The following ARHGAP8 variants were observed in gnomAD, a reference collection of about 807,000 sequenced individuals.
The protein encoded by ARHGAP8 is rho GTPase-activating protein 8.
Under a neutral mutation model 46.1 loss-of-function variants are expected in ARHGAP8, and 62 were observed. That is an observed-to-expected ratio of 1.34 (90% CI 1.10 to 1.66). ARHGAP8 has a LOEUF of 1.66. ARHGAP8 is among the 40% of genes most tolerant of loss of function. The pLI is 0.00. For missense variants in ARHGAP8, 923 were observed against 568.4 expected, an observed-to-expected ratio of 1.62 and a Z score of -6.34; for synonymous variants, 375 against 243.1, an observed-to-expected ratio of 1.54 and a Z score of -5.05.
intron 7 of ARHGAP8, among the ~76,000 whole-genome samples, chr22:44,827,352 T>G (rs1487216484): frequency 7.6e-6 from 1 of 130,908 alleles, no homozygotes; most frequent in Admixed American, 7.7e-5. Context: ...TTTTTTTTTT[T>G]TTTTTTTTTT....
chr22:44,770,675 G>A (rs1202250273), intron 1 of ARHGAP8, among the ~76,000 whole-genome samples: 1 of 152,064 alleles, frequency 6.6e-6, no homozygotes, highest in Non-Finnish European at 1.5e-5. Flanking sequence ...CAAAGTGCTG[G>A]GATTACAGGC....
At chr22:44,769,099 T>G (rs1035545370) in intron 1 of ARHGAP8, among the ~76,000 whole-genome samples, 2 of 152,174 alleles carry the variant, frequency 1.3e-5, no homozygotes, top group Non-Finnish European at 2.9e-5. Context: ...CCTCCCAAAG[T>G]GCTGGGATTA....
At chr22:44,772,808 A>G (rs373163841) in intron 1 of ARHGAP8, among the ~76,000 whole-genome samples, 1 of 101,040 alleles carries the variant, frequency 9.9e-6, no homozygotes, top group African/African-American at 3.5e-5. Flanking sequence ...TCTCTCTCCC[A>G]CTTTTTTTTT....
chr22:44,782,803 C>T (rs531371181), intron 1 of ARHGAP8, among the ~76,000 whole-genome samples: 10 of 152,172 alleles, frequency 6.6e-5, no homozygotes, highest in Non-Finnish European at 8.8e-5. Flanking sequence ...TCTGAGCATG[C>T]GTGTACGTGT....
chr22:44,809,025 T>G (rs1401826967), intron 4 of ARHGAP8: 8 of 449,600 alleles, frequency 1.8e-5, no homozygotes, highest in South Asian at 1.3e-4. Context: ...TCTCACTATG[T>G]GGCCCAGGCT....
chr22:44,772,945 A>G (rs538169306), intron 1 of ARHGAP8, among the ~76,000 whole-genome samples: 1 of 151,870 alleles, frequency 6.6e-6, no homozygotes, highest in South Asian at 2.1e-4. Context: ...CAGCCTCCCA[A>G]GTAGCTGGAA....
At position 44,845,341 on chromosome 22, in the gene ARHGAP8, A is replaced by C. The variant is rs747190851; in HGVS notation, c.669A>C (p.Lys223Asn). ...LRFTVTYLRE[K>N]GLRTEGLFRR... ...TCACAGTGACGTACCTGAGAGAGAA[A>C]GGTGAGACGGGGCCGGCTCCAGCTG... is the stretch of plus-strand genomic sequence containing the variant. Residue 223 changes from lysine (K) to asparagine (N), a missense_variant and splice_region_variant, in exon 8 of 12, where the codon AAA (lysine) becomes AAC (asparagine). Coordinates refer to ENST00000356099, the MANE Select transcript of ARHGAP8 (RefSeq NM_181335.3). 3.1e-6 allele frequency: 5 copies of C among 1,613,932 alleles called. No homozygotes were observed. The highest frequency in any genetic ancestry group is 3.4e-6 in the Non-Finnish European group (4 of 1,179,984).
chr22:44,811,008 C>T (rs544191315), intron 4 of ARHGAP8, among the ~76,000 whole-genome samples: 2 of 152,306 alleles, frequency 1.3e-5, no homozygotes, highest in South Asian at 2.1e-4. Context: ...CTCTGCACTT[C>T]CCCACGTGAG....
chr22:44,833,096 C>CTTTTCTTTTCTTTTTTTTTTTTTTTT (rs535842585), intron 7 of ARHGAP8, among the ~76,000 whole-genome samples: 2 of 120,430 alleles, frequency 1.7e-5, no homozygotes, highest in East Asian at 2.7e-4. Context: ...CTTTTCTTTT[C>CTTTTCTTTTCTTTTTTTTTTTTTTTT]TTTTTTTTTT....
chr22:44,860,273 T>G (rs2253587), intron 11 of ARHGAP8, among the ~76,000 whole-genome samples: 76,410 of 151,528 alleles, frequency 0.5, 19,642 homozygotes, highest in East Asian at 0.58. Flanking sequence ...GTGGGTGCCT[T>G]AAAACAGATT....
chr22:44,859,933 TC>T, intron 11 of ARHGAP8, 99 bp downstream of exon 11: 1 of 1,395,524 alleles, frequency 7.2e-7, no homozygotes, highest in Non-Finnish European at 9.7e-7. Flanking sequence ...GGGTCTGGGG[TC>T]ATGCCCTGCT....
chr22:44,825,311 G>A (rs1013154381), intron 6 of ARHGAP8, among the ~76,000 whole-genome samples, 172 bp from the exon 7 acceptor site: 2 of 152,038 alleles, frequency 1.3e-5, no homozygotes, highest in African/African-American at 2.4e-5. Flanking sequence ...AGCAATGGGG[G>A]ATTGTGACTG....
At chr22:44,783,566 C>T (rs368499760) in intron 1 of ARHGAP8, among the ~76,000 whole-genome samples, 37 of 152,320 alleles carry the variant, frequency 2.4e-4, no homozygotes, top group African/African-American at 8.2e-4. Context: ...GCACCCACCT[C>T]CCCTAGGTCT....
At chr22:44,859,647 A>T in intron 10 of ARHGAP8, 84 bp from the exon 11 acceptor site, 1 of 1,463,244 alleles carries the variant, frequency 6.8e-7, no homozygotes. Context: ...TGTCCTTCCT[A>T]CACCCCTGTT....
intron 6 of ARHGAP8, among the ~76,000 whole-genome samples, chr22:44,822,855 C>A (rs1385408567): frequency 1.3e-5 from 2 of 152,204 alleles, no homozygotes; most frequent in Non-Finnish European, 2.9e-5. Context: ...AGGGACGTCA[C>A]GGGTGCTCTA....
chr22:44,785,144 G>C (rs1655957403), intron 1 of ARHGAP8, among the ~76,000 whole-genome samples: 1 of 152,184 alleles, frequency 6.6e-6, no homozygotes. Flanking sequence ...CTGGATGAGT[G>C]AATCTCAAAC....
At chr22:44,860,888 G>A (rs146137817) in intron 11 of ARHGAP8, among the ~76,000 whole-genome samples, 4 of 152,186 alleles carry the variant, frequency 2.6e-5, no homozygotes, top group African/African-American at 9.7e-5. Flanking sequence ...CCTGAGCAGA[G>A]TAGGCGTCAC....
chr22:44,787,022 C>A (rs1285199206), intron 2 of ARHGAP8, among the ~76,000 whole-genome samples: 1 of 73,320 alleles, frequency 1.4e-5, no homozygotes, highest in Non-Finnish European at 2.8e-5. Context: ...GTGGTGAGAC[C>A]CTGTCTCAAA....
chr22:44,800,583 A>G (rs531172229), intron 2 of ARHGAP8, among the ~76,000 whole-genome samples: 14,068 of 58,202 alleles, frequency 0.24, 1,112 homozygotes, highest in African/African-American at 0.31. Flanking sequence ...GCAGCTGTCC[A>G]TGTGTGGGGG....
Sources: allele counts gnomAD v4.1 joint callset (sites outside exome capture counted in the v4.1 genomes callset), GRCh38; gene constraint gnomAD v4.1.1; transcripts MANE v1.5; gene names NCBI Gene and HGNC (gene_info 2026-07-23, HGNC 2026-07-21).